CARD14: variants seen among roughly 807,000 people sequenced by gnomAD.
CARD14 encodes caspase recruitment domain-containing protein 14.
A neutral mutation model predicts 111.5 loss-of-function variants in CARD14; 107 were observed. That is an observed-to-expected ratio of 0.96 (90% CI 0.82 to 1.13). CARD14 has a LOEUF of 1.13. CARD14 is among the 50% of genes most tolerant of loss of function. The pLI is 0.00. For synonymous variants in CARD14, 617 were observed against 579.6 expected (o/e 1.06, Z -0.93); for missense variants, 1,322 against 1,362.3 (o/e 0.97, Z 0.47).
intron 12 of CARD14, among the ~76,000 whole-genome samples, chr17:80,194,045 G>A (rs1245305639): frequency 2.0e-5 from 3 of 152,016 alleles, no homozygotes; most frequent in Non-Finnish European, 4.4e-5. Flanking sequence ...CTCCTGCCCC[G>A]GCTTTCTAAT....
chr17:80,192,479 G>C (rs1211045832), intron 11 of CARD14, 24 bp from the exon 12 acceptor site: 2 of 1,590,726 alleles, frequency 1.3e-6, no homozygotes, highest in East Asian at 2.2e-5. Flanking sequence ...GAATTAACCA[G>C]CCTGTCTGGC....
At chr17:80,175,951 CGTTTTTTTTTTTTTTTTTTTTTT>C (rs2040014123) in intron 2 of CARD14, among the ~76,000 whole-genome samples, 1 of 79,238 alleles carries the variant, frequency 1.3e-5, no homozygotes, top group African/African-American at 5.1e-5. Context: ...GCTCTCGGAT[CGTTTTTTTTTTTTTTTTTTTTTT>C]TTTTTTTTTT....
chr17:80,183,550 G>A (rs889801306), intron 6 of CARD14, among the ~76,000 whole-genome samples: 3 of 152,160 alleles, frequency 2.0e-5, no homozygotes, highest in Non-Finnish European at 2.9e-5. Flanking sequence ...GGTAACCCTC[G>A]TGCCAAAATC....
At chr17:80,205,744 A>T in intron 22 of CARD14, 92 bp downstream of exon 22, 1 of 1,323,914 alleles carries the variant, frequency 7.6e-7, no homozygotes, top group South Asian at 1.6e-5. Flanking sequence ...ACAGGGACCG[A>T]CCTGAGACCT....
In CARD14 at chr17:80,205,545, G is replaced by C. The variant is rs2041252511; in HGVS notation, c.2584G>C (p.Glu862Gln). Residue 862 changes from glutamate (E) to glutamine (Q), a missense_variant, in exon 22 of 24, where the codon GAG (glutamate) becomes CAG (glutamine). By Grantham distance (29) the Glu-to-Gln change is conservative. Transcript: ENST00000648509. Reference sequence around the variant, plus strand: ...GTCACCTGTAGAGTACTTGAGCCAGGAGGAGTATGAGGCCTGGAGCCAGAG... The same window carrying C: ...GTCACCTGTAGAGTACTTGAGCCAGCAGGAGTATGAGGCCTGGAGCCAGAG... The part of the protein sequence containing the change: ...KKCLAEYLSQ[E>Q]EYEAWSQRGD... 1.3e-6 allele frequency: 2 copies of C among 1,585,452 alleles called. No individual in the cohort carries two copies. Among genetic ancestry groups the C allele is most frequent in the Non-Finnish European group, 1.7e-6 (2 of 1,165,254 alleles).
chr17:80,182,116 C>T lies in CARD14; in HGVS notation c.211+467C>T, dbSNP rs927134961. ...ACATGATAATGTTCATGCATGTTGG[C>T]GTACGAACCCCAAACACAGGAGAGA... On this transcript the variant is annotated intron_variant, in intron 5 of 23. Transcript: ENST00000648509. This position sits in a 1 kb window ranked among gnomAD's most constrained non-coding sequence, Gnocchi z 4.7. Among the ~76,000 whole-genome samples, 3 of 152,188 alleles carry T rather than the reference C, an allele frequency of 2.0e-5. No individual in the cohort carries two copies. Among genetic ancestry groups the T allele is most frequent in the African/African-American group, 7.2e-5 (3 of 41,450 alleles).
At chr17:80,205,352 C>T in intron 21 of CARD14, 147 bp downstream of exon 21, 1 of 1,158,120 alleles carries the variant, frequency 8.6e-7, no homozygotes, top group Non-Finnish European at 1.2e-6. Flanking sequence ...CCAGATAGTT[C>T]AGGATGGAGG....
In CARD14 at chr17:80,193,606, G is replaced by A. The variant is rs2040605680; in HGVS notation, c.1356+987G>A. 2.6e-5 allele frequency among the ~76,000 whole-genome samples: 4 copies of A among 152,184 alleles called. No individual in the cohort carries two copies. The South Asian group carries it at 6.2e-4, about 24-fold the overall frequency. On this transcript the variant is annotated intron_variant, in intron 12 of 23. Transcript: ENST00000648509. ...GAGGGAGGGAGGGTGAGAGGCGGGCGAGGCTGACATCCCTTTGCCATGCCT... is the reference window on the plus strand; with the variant it reads ...GAGGGAGGGAGGGTGAGAGGCGGGCAAGGCTGACATCCCTTTGCCATGCCT...
intron 2 of CARD14, among the ~76,000 whole-genome samples, chr17:80,175,204 C>G (rs2039998034): frequency 6.6e-6 from 1 of 151,984 alleles, no homozygotes; most frequent in Non-Finnish European, 1.5e-5. Context: ...TCTTGAACTC[C>G]TGGGCTCAAG....
Position 80,184,018 on chromosome 17 carries a change from G to A in CARD14, c.455G>A (p.Arg152Gln), listed in dbSNP as rs747495913. Residue 152 changes from arginine (R) to glutamine (Q), a missense_variant, in exon 7 of 24, where the codon CGG becomes CAG. Coordinates refer to ENST00000648509, the MANE Select transcript of CARD14 (RefSeq NM_001366385.1). ...GGGCAGAAGGAGGTGCTGCTGCGGC[G>A]GTGCCAGCAGCTGCAGGAGCACCTG... ...EKGQKEVLLR[R>Q]CQQLQEHLGL... 18 of 1,585,084 alleles carry A rather than the reference G, an allele frequency of 1.1e-5. No homozygotes were observed. The highest frequency in any genetic ancestry group is 3.4e-5 in the South Asian group (3 of 87,300).
At chr17:80,204,911 C>A (rs2041198631) in intron 20 of CARD14, 124 bp from the exon 21 acceptor site, 3 of 796,664 alleles carry the variant, frequency 3.8e-6, no homozygotes, top group Non-Finnish European at 5.8e-6. Flanking sequence ...GAGCCTGTGC[C>A]CCTGGAATTC....
chr17:80,184,242 G>A lies in CARD14; in HGVS notation c.675+4G>A. 1 of 1,515,900 alleles carries A rather than the reference G, an allele frequency of 6.6e-7. No individual in the cohort carries two copies. 93.9% of individuals were successfully genotyped at this position (1,515,900 alleles called of 1,614,324 possible). ...CTGCCGCAGCCTGCAGGAGGAGGTA[G>A]GGGGACACCCTGCACCCCGGCGCGA... On this transcript the variant is annotated splice_donor_region_variant and intron_variant, in intron 7 of 23. Coordinates refer to ENST00000648509, the MANE Select transcript of CARD14 (RefSeq NM_001366385.1).
In CARD14 at chr17:80,202,391, C is replaced by T. The variant is rs146968151; in HGVS notation, c.2190C>T (p.Ala730=). The stretch of plus-strand genomic sequence containing the variant: ...ACTCTTACACCATGAAGGATACTGC[C>T]GCGCACGGCACCATCCCCAACTACT... ...RVNSYTMKDT[A]AHGTIPNYSR... The change falls in exon 18 of 24, where the codon GCC becomes GCT. Residue 730 remains alanine, a synonymous_variant. Coordinates refer to ENST00000648509, the MANE Select transcript of CARD14 (RefSeq NM_001366385.1). 4.8e-4 allele frequency: 770 copies of T among 1,612,932 alleles called. No homozygotes were observed. Among genetic ancestry groups the T allele is most frequent in the Non-Finnish European group, 5.9e-4 (695 of 1,179,978 alleles).
rs1399656872 is a variant in CARD14, at chr17:80,189,663, T to A, written c.844-90T>A. On this transcript the variant is annotated intron_variant, in intron 8 of 23. Transcript: ENST00000648509. This position sits in a 1 kb window ranked among gnomAD's most constrained non-coding sequence, Gnocchi z 4.7. The stretch of plus-strand genomic sequence containing the variant: ...CTGCATCCGTCCACACACCTGACCG[T>A]GCAGTTGCCGCCATCTTCTCGGGAT... The A allele has an allele frequency of 1.1e-5, 15 of 1,392,714 alleles. No individual in the cohort carries two copies. Among genetic ancestry groups the A allele is most frequent in the Non-Finnish European group, 1.4e-5 (15 of 1,065,524 alleles). The allele number at this position is 1,392,714 out of a possible 1,614,324, so 86.3% of individuals were successfully genotyped here.
chr17:80,205,392 C>A, intron 21 of CARD14, 139 bp from the exon 22 acceptor site: 1 of 1,261,236 alleles, frequency 7.9e-7, no homozygotes. Context: ...TGTGCAGGGT[C>A]AGGTTTGTAA....
rs8068452 is a variant in CARD14, at chr17:80,191,712, C to T, written c.1239+240C>T. On this transcript the variant is annotated intron_variant, in intron 11 of 23. Transcript: ENST00000648509. ...TGCCCAGTAGACAAGTAGAGTCTGC[C>T]TCCATATCATCGAATGGGGAGCTTA... 0.73 allele frequency among the ~76,000 whole-genome samples: 111,386 copies of T among 152,180 alleles called. 41,017 individuals are homozygous for T. Among genetic ancestry groups the T allele is most frequent in the Middle Eastern group, 0.83 (244 of 294 alleles).
At position 80,172,620 on chromosome 17, in the gene CARD14, G is replaced by A. The variant is rs773883089; in HGVS notation, c.-689-286G>A. Among the ~76,000 whole-genome samples the A allele has an allele frequency of 8.4e-4, 127 of 152,030 alleles. 2 individuals carry two copies. The highest frequency in any genetic ancestry group is 2.2e-4 in the Non-Finnish European group (15 of 68,014). On this transcript the variant is annotated intron_variant, in intron 1 of 23. Transcript: ENST00000648509. ...AGGAGCTCGGCGTCGGCGTGCCTTC[G>A]CCTCCCCTTGCCATGATGCCCCCTA...
In CARD14 at chr17:80,188,314, C is replaced by A. The variant is rs1294585750; in HGVS notation, c.676-63C>A. 6.6e-7 allele frequency: 1 copy of A among 1,512,760 alleles called. No individual in the cohort carries two copies. Among genetic ancestry groups the A allele is most frequent in the Admixed American group, 2.1e-5 (1 of 47,734 alleles). The allele number at this position is 1,512,760 out of a possible 1,614,324, so 93.7% of individuals were successfully genotyped here. ...TTAGGAGGAAGGGTGAGAAATGCCC[C>A]CAGCTCCTGATCAGGGGAGAAGCTG... On this transcript the variant is annotated intron_variant, in intron 7 of 23. Transcript: ENST00000648509. This position sits in a 1 kb window ranked among gnomAD's most constrained non-coding sequence, Gnocchi z 4.5.
At position 80,177,470 on chromosome 17, in the gene CARD14, C is replaced by T. The variant is rs187863944; in HGVS notation, c.-366-1038C>T. 1.8e-3 allele frequency among the ~76,000 whole-genome samples: 273 copies of T among 152,150 alleles called. 1 individual carries two copies. Among genetic ancestry groups the T allele is most frequent in the Middle Eastern group, 0.01 (3 of 294 alleles). The stretch of plus-strand genomic sequence containing the variant: ...CAGCACTTTGGGAGGCCGAGGCAGG[C>T]GGATCACTTGAGGTCAGGAGATCGA... On this transcript the variant is annotated intron_variant, in intron 2 of 23. Coordinates refer to ENST00000648509, the MANE Select transcript of CARD14 (RefSeq NM_001366385.1).
Sources: allele counts gnomAD v4.1 joint callset (sites outside exome capture counted in the v4.1 genomes callset), GRCh38; gene constraint gnomAD v4.1.1; non-coding constraint Gnocchi (gnomAD v3.1); transcripts MANE v1.5; gene names NCBI Gene and HGNC (gene_info 2026-07-23, HGNC 2026-07-21).